The following NBAS variants were observed in gnomAD, a reference collection of about 807,000 sequenced individuals.
NBAS encodes NBAS subunit of NRZ tethering complex.
In NBAS, 219 loss-of-function variants were observed where a neutral mutation model predicts 302.5. The ratio of observed to expected loss-of-function variants is 0.72; its 90% confidence interval spans 0.65 to 0.81. NBAS has a LOEUF of 0.81. Among genes scored for constraint, NBAS ranks in the 30% least tolerant of loss-of-function variants. The pLI is 0.00. For missense variants in NBAS, 2,932 were observed against 2,841.6 expected (o/e 1.03, Z -0.72); for synonymous variants, 1,118 against 1,021.6 (o/e 1.09, Z -1.80).
At chr2:14,962,954 A>C in the NBAS span, among the ~76,000 whole-genome samples, 41 of 152,184 alleles carry the variant, frequency 2.7e-4, no homozygotes, top group African/African-American at 9.4e-4. Flanking sequence ...AAAAAAAAAA[A>C]CAAAAAACTG....
chr2:15,137,539 T>C, the NBAS span, among the ~76,000 whole-genome samples: 4 of 152,274 alleles, frequency 2.6e-5, no homozygotes, highest in Non-Finnish European at 5.9e-5. Flanking sequence ...CCCTGCAATA[T>C]ACAAGTCCAG....
the NBAS span, among the ~76,000 whole-genome samples, chr2:14,927,211 C>G: frequency 6.6e-6 from 1 of 152,208 alleles, no homozygotes; most frequent in African/African-American, 2.4e-5. Flanking sequence ...TTGGACTCGC[C>G]AAGCCTCCAC....
At chr2:15,184,506 C>T (rs1220491337) in intron 50 of NBAS, among the ~76,000 whole-genome samples, 3 of 151,828 alleles carry the variant, frequency 2.0e-5, no homozygotes, top group Admixed American at 6.6e-5. Context: ...ATAAGGAGTG[C>T]ACAACCCAGA....
At chr2:14,900,112 C>CTTTTTTT in the NBAS span, among the ~76,000 whole-genome samples, 338 of 140,602 alleles carry the variant, frequency 2.4e-3, 9 homozygotes, top group African/African-American at 7.4e-3. Context: ...AAGTCACATG[C>CTTTTTTT]TTTTTTTTTT....
chr2:15,181,348 A>G (rs1664808938), intron 50 of NBAS, among the ~76,000 whole-genome samples: 1 of 152,204 alleles, frequency 6.6e-6, no homozygotes, highest in African/African-American at 2.4e-5. Flanking sequence ...AGGATATCCA[A>G]GAAGGGAGGA....
intron 48 of NBAS, among the ~76,000 whole-genome samples, chr2:15,198,982 C>CG (rs1665749658): frequency 3.3e-5 from 5 of 151,810 alleles, no homozygotes; most frequent in Non-Finnish European, 2.9e-5. Context: ...AAAAATTAGC[C>CG]GGGCATTGGT....
At chr2:15,541,466 A>G (rs1663815455) in intron 6 of NBAS, among the ~76,000 whole-genome samples, 1 of 152,152 alleles carries the variant, frequency 6.6e-6, no homozygotes. Flanking sequence ...TAGAGTTCAG[A>G]CTTCCCTTAA....
chr2:15,307,011 G>C (rs1671061977), intron 40 of NBAS, among the ~76,000 whole-genome samples: 1 of 152,196 alleles, frequency 6.6e-6, no homozygotes, highest in Admixed American at 6.5e-5. Flanking sequence ...AAGGGACCAG[G>C]CAGAAATCCT....
At chr2:15,071,984 C>T in the NBAS span, among the ~76,000 whole-genome samples, 2 of 152,168 alleles carry the variant, frequency 1.3e-5, no homozygotes, top group Admixed American at 6.5e-5. Flanking sequence ...AATAAACAGG[C>T]AAACTTGGAT....
the NBAS span, among the ~76,000 whole-genome samples, chr2:15,074,584 G>A: frequency 6.6e-6 from 1 of 151,776 alleles, no homozygotes; most frequent in East Asian, 1.9e-4. Context: ...CTATAATATA[G>A]GGGAACTATA....
chr2:15,063,219 T>A, the NBAS span, among the ~76,000 whole-genome samples: 1 of 152,260 alleles, frequency 6.6e-6, no homozygotes, highest in East Asian at 1.9e-4. Context: ...TATACAATTA[T>A]GTGCAGTTAA....
chr2:15,234,849 A>G, intron 45 of NBAS, 102 bp from the exon 46 acceptor site: 1 of 1,196,816 alleles, frequency 8.4e-7, no homozygotes, highest in Non-Finnish European at 1.2e-6. Flanking sequence ...AAATACATGA[A>G]AAGCAGCAAC....
chr2:14,912,547 G>C, the NBAS span, among the ~76,000 whole-genome samples: 1 of 152,108 alleles, frequency 6.6e-6, no homozygotes, highest in Non-Finnish European at 1.5e-5. Flanking sequence ...GAAGGGAAAA[G>C]GAAGTTGAGC....
intron 28 of NBAS, among the ~76,000 whole-genome samples, chr2:15,389,049 C>G (rs529224918): frequency 7.2e-5 from 11 of 152,242 alleles, no homozygotes; most frequent in African/African-American, 2.6e-4. Context: ...TGGATAGCAT[C>G]CTACTTTAGC....
intron 38 of NBAS, among the ~76,000 whole-genome samples, chr2:15,324,854 C>T (rs2148214612): frequency 6.6e-6 from 1 of 152,308 alleles, no homozygotes; most frequent in African/African-American, 2.4e-5. Context: ...ATTTGCTTTA[C>T]TTCTCAAGAT....
chr2:14,948,715 A>T, the NBAS span, among the ~76,000 whole-genome samples: 1 of 137,754 alleles, frequency 7.3e-6, no homozygotes. Context: ...TACCAATGAC[A>T]TTATTCACAG....
intron 21 of NBAS, among the ~76,000 whole-genome samples, chr2:15,441,032 G>A (rs987579412): frequency 6.6e-6 from 1 of 152,190 alleles, no homozygotes; most frequent in Non-Finnish European, 1.5e-5. Flanking sequence ...GCATCTGATT[G>A]GTGTACCTGA....
intron 25 of NBAS, among the ~76,000 whole-genome samples, chr2:15,412,682 A>G (rs1189454517): frequency 6.6e-6 from 1 of 152,212 alleles, no homozygotes; most frequent in East Asian, 1.9e-4. Flanking sequence ...ATCAAGTGAT[A>G]TAAAGCATCA....
intron 21 of NBAS, among the ~76,000 whole-genome samples, chr2:15,441,444 A>G (rs1275953778): frequency 6.6e-6 from 1 of 151,932 alleles, no homozygotes. Flanking sequence ...TACTTTACAG[A>G]CAAGCAAATG....
Sources: allele counts gnomAD v4.1 joint callset (sites outside exome capture counted in the v4.1 genomes callset), GRCh38; gene constraint gnomAD v4.1.1; transcripts MANE v1.5; gene names NCBI Gene and HGNC (gene_info 2026-07-23, HGNC 2026-07-21).